Variants in CALN1 observed in about 807,000 individuals in gnomAD.
CALN1 encodes the protein calcium-binding protein 8.
In CALN1, 17 loss-of-function variants were observed where a neutral mutation model predicts 30.6. That is an observed-to-expected ratio of 0.56 (90% CI 0.38 to 0.83). The LOEUF (loss-of-function observed/expected upper bound fraction) is 0.83. CALN1 is among the 40% of genes least tolerant of loss of function. The pLI is 0.00. For missense variants in CALN1, 291 were observed against 354.9 expected (o/e 0.82, Z 1.45); for synonymous variants, 156 against 131.4 (o/e 1.19, Z -1.28).
intron 4 of CALN1, among the ~76,000 whole-genome samples, chr7:72,061,876 T>C (rs1803680151): frequency 7.7e-6 from 1 of 130,678 alleles, no homozygotes; most frequent in Non-Finnish European, 1.6e-5. Context: ...GAACCTAAAA[T>C]AATACATCCT....
intron 3 of CALN1, among the ~76,000 whole-genome samples, chr7:72,125,584 A>T (rs1563079435): frequency 6.6e-6 from 1 of 152,172 alleles, no homozygotes. Context: ...TATAGGATGG[A>T]CTAAGGAACA....
intron 3 of CALN1, among the ~76,000 whole-genome samples, chr7:72,136,969 G>A (rs1229050390): frequency 6.6e-6 from 1 of 152,024 alleles, no homozygotes; most frequent in Non-Finnish European, 1.5e-5. Flanking sequence ...TAAAGAAAGA[G>A]GAAAGAAACA....
chr7:72,041,863 T>C (rs985897503), intron 4 of CALN1, among the ~76,000 whole-genome samples: 5 of 152,234 alleles, frequency 3.3e-5, no homozygotes, highest in African/African-American at 1.2e-4. Context: ...CTCTCCTTCT[T>C]TGCCTGCCAC....
intron 2 of CALN1, among the ~76,000 whole-genome samples, chr7:72,389,297 C>T (rs760084882): frequency 6.6e-6 from 1 of 152,208 alleles, no homozygotes; most frequent in Non-Finnish European, 1.5e-5. Context: ...TCTTCTCCAA[C>T]TTTGAATCAG....
chr7:72,258,000 CAT>C (rs140512944), intron 3 of CALN1, among the ~76,000 whole-genome samples: 1 of 152,196 alleles, frequency 6.6e-6, no homozygotes, highest in African/African-American at 2.4e-5. Flanking sequence ...TAAAAGACTA[CAT>C]ATTGAGTATG....
intron 5 of CALN1, among the ~76,000 whole-genome samples, chr7:72,013,405 C>T (rs1800203487): frequency 6.6e-6 from 1 of 151,804 alleles, no homozygotes; most frequent in South Asian, 2.1e-4. Context: ...GTGCATGACA[C>T]CACACCCAGC....
At chr7:72,410,998 A>G (rs951338166) in intron 1 of CALN1, among the ~76,000 whole-genome samples, 1 of 152,242 alleles carries the variant, frequency 6.6e-6, no homozygotes, top group Non-Finnish European at 1.5e-5. Flanking sequence ...GGAAAATCCC[A>G]AAGAATTCAT....
chr7:72,336,815 C>T, intron 2 of CALN1: 1 of 985,010 alleles, frequency 1.0e-6, no homozygotes, highest in African/African-American at 1.7e-5. Context: ...ATGCGCCGAG[C>T]GGGCAGCGCT....
chr7:71,951,423 T>C (rs1312722162), intron 5 of CALN1, among the ~76,000 whole-genome samples: 1 of 152,076 alleles, frequency 6.6e-6, no homozygotes, highest in Non-Finnish European at 1.5e-5. Flanking sequence ...AAACCCCGTC[T>C]CTACTAAAAA....
At chr7:72,354,176 G>T (rs1037674403) in intron 2 of CALN1, among the ~76,000 whole-genome samples, 1 of 152,254 alleles carries the variant, frequency 6.6e-6, no homozygotes, top group South Asian at 2.1e-4. Flanking sequence ...GACAGAGCAA[G>T]ACTCCATCTC....
intron 1 of CALN1, among the ~76,000 whole-genome samples, chr7:72,407,327 G>A (rs1485817585): frequency 6.6e-6 from 1 of 152,144 alleles, no homozygotes; most frequent in Non-Finnish European, 1.5e-5. Context: ...TGCTACATAT[G>A]CTAGCCACCT....
chr7:71,814,475 A>G (rs1788144780), intron 5 of CALN1, among the ~76,000 whole-genome samples: 1 of 152,122 alleles, frequency 6.6e-6, no homozygotes, highest in Non-Finnish European at 1.5e-5. Flanking sequence ...TTTGCAGCTG[A>G]AGAGAGGGAA....
At chr7:72,349,222 A>G (rs1447092480) in intron 2 of CALN1, among the ~76,000 whole-genome samples, 3 of 152,082 alleles carry the variant, frequency 2.0e-5, no homozygotes, top group Admixed American at 6.6e-5. Flanking sequence ...GCTACCTAAC[A>G]TATGTTCGAT....
intron 3 of CALN1, among the ~76,000 whole-genome samples, chr7:72,269,388 G>T (rs1796822446): frequency 6.6e-6 from 1 of 151,880 alleles, no homozygotes; most frequent in Admixed American, 6.6e-5. Flanking sequence ...GCCCCAGTGT[G>T]TGATGTTCCT....
intron 2 of CALN1, among the ~76,000 whole-genome samples, chr7:72,343,519 C>A (rs1244956103): frequency 1.3e-5 from 2 of 149,072 alleles, no homozygotes; most frequent in African/African-American, 4.9e-5. Context: ...TGCACTCCAG[C>A]ATGGGTGACA....
At chr7:71,956,416 G>A (rs548288258) in intron 5 of CALN1, among the ~76,000 whole-genome samples, 60 of 152,042 alleles carry the variant, frequency 3.9e-4, no homozygotes, top group African/African-American at 1.3e-3. Context: ...AAGAGTGCCC[G>A]GAAATTTTAC....
At chr7:72,154,105 C>T (rs966609109) in intron 3 of CALN1, among the ~76,000 whole-genome samples, 1 of 151,976 alleles carries the variant, frequency 6.6e-6, no homozygotes, top group Non-Finnish European at 1.5e-5. Flanking sequence ...ACCAGGAAAG[C>T]CTCAGGCTAG....
At chr7:72,123,339 G>A (rs978274397) in intron 3 of CALN1, among the ~76,000 whole-genome samples, 13 of 152,136 alleles carry the variant, frequency 8.5e-5, no homozygotes, top group Non-Finnish European at 5.9e-5. Flanking sequence ...CTGAGGTGTG[G>A]AACAAAATGA....
intron 3 of CALN1, among the ~76,000 whole-genome samples, chr7:72,143,630 C>T (rs1176497797): frequency 1.3e-5 from 2 of 152,102 alleles, no homozygotes; most frequent in Non-Finnish European, 2.9e-5. Context: ...GAGAACGCTA[C>T]AAAGATACTC....
Sources: gnomAD v4.1 joint callset for allele counts (sites outside exome capture counted in the v4.1 genomes callset) on GRCh38, gnomAD v4.1.1 for gene constraint, MANE v1.5 for transcripts, NCBI Gene and HGNC (gene_info 2026-07-23, HGNC 2026-07-21) for gene names.